Variants in SLCO1C1 observed in about 807,000 individuals in gnomAD.
The protein encoded by SLCO1C1 is OAT-RP-5.
A neutral mutation model predicts 76.4 loss-of-function variants in SLCO1C1; 70 were observed. The ratio of observed to expected loss-of-function variants is 0.92; its 90% CI spans 0.76 to 1.12. The LOEUF is 1.12. Ranked by LOEUF, SLCO1C1 falls within the 50% of genes most tolerant of loss-of-function variation. The pLI, the probability that SLCO1C1 is intolerant of heterozygous loss-of-function variation, is 0.00. For synonymous variants in SLCO1C1, 306 were observed against 286.1 expected (o/e 1.07, Z -0.70); for missense variants, 912 against 823.8 (o/e 1.11, Z -1.31).
At chr12:20,745,349 T>G (rs1273555645) in intron 13 of SLCO1C1, among the ~76,000 whole-genome samples, 1 of 152,164 alleles carries the variant, frequency 6.6e-6, no homozygotes, top group Non-Finnish European at 1.5e-5. Context: ...TTTAAATGCC[T>G]TAAAAAATAA....
At chr12:20,750,851 G>A (rs751321330) in intron 14 of SLCO1C1, 59 bp downstream of exon 14, 9 of 1,613,876 alleles carry the variant, frequency 5.6e-6, no homozygotes, top group Non-Finnish European at 7.6e-6. Flanking sequence ...TTTACACAAT[G>A]CCACTGACAC....
chr12:20,750,054 C>A (rs1222857233), intron 13 of SLCO1C1, among the ~76,000 whole-genome samples: 3 of 152,108 alleles, frequency 2.0e-5, no homozygotes, highest in East Asian at 1.9e-4. Context: ...CAAAGTGAGG[C>A]CACAAAAGTA....
intron 9 of SLCO1C1, among the ~76,000 whole-genome samples, chr12:20,726,015 T>C (rs1358399512): frequency 6.6e-6 from 1 of 152,090 alleles, no homozygotes; most frequent in African/African-American, 2.4e-5. Flanking sequence ...TGAGATCATA[T>C]TGGTTTCACA....
At chr12:20,747,746 C>T (rs1554148) in intron 13 of SLCO1C1, among the ~76,000 whole-genome samples, 65,956 of 151,642 alleles carry the variant, frequency 0.43, 17,025 homozygotes, top group South Asian at 0.63. Context: ...ATTTTCTGCT[C>T]TTCTTGTTCT....
chr12:20,742,804 G>A (rs1363827496), intron 12 of SLCO1C1, among the ~76,000 whole-genome samples: 3 of 151,704 alleles, frequency 2.0e-5, no homozygotes, highest in Non-Finnish European at 4.4e-5. Flanking sequence ...CAAGGTGCTG[G>A]GATTACAGGC....
At chr12:20,717,033 C>T in intron 6 of SLCO1C1, 99 bp from the exon 7 acceptor site, 2 of 1,015,460 alleles carry the variant, frequency 2.0e-6, no homozygotes, top group African/African-American at 1.7e-5. Context: ...ACATTTTGAG[C>T]TACTGACTGG....
intron 1 of SLCO1C1, chr12:20,697,525 G>C (rs950703226): frequency 9.9e-5 from 15 of 152,004 alleles, no homozygotes; most frequent in Admixed American, 6.6e-4. Flanking sequence ...TGACTCAGTA[G>C]ATATAGGAAG....
intron 9 of SLCO1C1, among the ~76,000 whole-genome samples, chr12:20,730,915 G>A (rs1341159002): frequency 6.6e-6 from 1 of 152,104 alleles, no homozygotes; most frequent in East Asian, 1.9e-4. Context: ...CCGGCACTAG[G>A]GGCCCAAGAG....
intron 9 of SLCO1C1, among the ~76,000 whole-genome samples, chr12:20,724,433 ATATATATATATATATATATGTG>A (rs1469632999): frequency 0.016 from 2,172 of 132,746 alleles, 32 homozygotes; most frequent in Admixed American, 0.039. Flanking sequence ...ATATATATAT[ATATATATATATATATATATGTG>A]TGTGTGTGTG....
rs1473707614 is a variant in SLCO1C1, at chr12:20,740,815, ATATG to A, written c.1733+448_1733+451del. Among the ~76,000 whole-genome samples the A allele has an allele frequency of 4.2e-3, 555 of 133,448 alleles. 46 individuals carry two copies. Among genetic ancestry groups the A allele is most frequent in the Non-Finnish European group, 6.3e-3 (389 of 61,964 alleles). 87.5% of individuals were successfully genotyped at this position (133,448 alleles called of 152,430 possible). The stretch of plus-strand genomic sequence containing the variant: ...TATATATATATATATATATATATAT[ATATG>A]GCTTTATCTGTATATTTTTGCCATG... On this transcript the variant is annotated intron_variant, in intron 12 of 14. Coordinates refer to ENST00000266509, the MANE Select transcript of SLCO1C1 (RefSeq NM_017435.5).
At chr12:20,717,797 G>A (rs1947458709) in intron 7 of SLCO1C1, among the ~76,000 whole-genome samples, 1 of 151,234 alleles carries the variant, frequency 6.6e-6, no homozygotes, top group African/African-American at 2.4e-5. Context: ...TGGCAAAGGG[G>A]ACACTGATTT....
Position 20,717,450 on chromosome 12 carries a change from GATCT to G in SLCO1C1, c.775+225_775+228del, listed in dbSNP as rs377087737. On this transcript the variant is annotated intron_variant, in intron 7 of 14. Coordinates refer to ENST00000266509, the MANE Select transcript of SLCO1C1 (RefSeq NM_017435.5). ...TGGATGACCAATGGTTTGTTATTAA[GATCT>G]ATCTTTTTTCACTTTTGATTTGTCA... Among the ~76,000 whole-genome samples the G allele has an allele frequency of 7.2e-4, 109 of 151,796 alleles. No individual in the cohort carries two copies. In the South Asian group the frequency reaches 0.02, roughly 27 times the overall value.
At chr12:20,736,007 TG>T (rs764887049) in intron 10 of SLCO1C1, among the ~76,000 whole-genome samples, 1 of 151,926 alleles carries the variant, frequency 6.6e-6, no homozygotes, top group Non-Finnish European at 1.5e-5. Flanking sequence ...AGGAAAGATA[TG>T]AGGAATAAGC....
intron 3 of SLCO1C1, 87 bp downstream of exon 3, chr12:20,701,546 C>T: frequency 2.0e-6 from 2 of 979,694 alleles, no homozygotes; most frequent in South Asian, 3.3e-5. Flanking sequence ...CTATTGTCTG[C>T]TGGGATCAGA....
At chr12:20,745,418 T>C (rs1327726016) in intron 13 of SLCO1C1, among the ~76,000 whole-genome samples, 1 of 152,150 alleles carries the variant, frequency 6.6e-6, no homozygotes, top group Non-Finnish European at 1.5e-5. Flanking sequence ...AGTACTAATA[T>C]CAATATTTTT....
chr12:20,749,516 TA>T (rs1246774410), intron 13 of SLCO1C1, among the ~76,000 whole-genome samples: 3 of 152,158 alleles, frequency 2.0e-5, no homozygotes, highest in African/African-American at 7.2e-5. Context: ...GGCTACTAAC[TA>T]AAAAACAAAA....
intron 9 of SLCO1C1, among the ~76,000 whole-genome samples, chr12:20,732,389 T>G (rs1274168862): frequency 1.3e-5 from 2 of 152,158 alleles, no homozygotes; most frequent in Non-Finnish European, 2.9e-5. Context: ...ATCAAATGCT[T>G]AGTTCAGTGG....
At chr12:20,708,135 T>C (rs1056250637) in intron 4 of SLCO1C1, among the ~76,000 whole-genome samples, 2 of 152,176 alleles carry the variant, frequency 1.3e-5, no homozygotes, top group African/African-American at 4.8e-5. Context: ...ATCCAAAATA[T>C]GATTTTCGTT....
At chr12:20,737,549 C>T (rs893698608) in intron 11 of SLCO1C1, among the ~76,000 whole-genome samples, 1 of 152,046 alleles carries the variant, frequency 6.6e-6, no homozygotes, top group Non-Finnish European at 1.5e-5. Flanking sequence ...AGTGTTAGCC[C>T]TGAATTAGAA....
Sources: gnomAD v4.1 joint callset for allele counts (sites outside exome capture counted in the v4.1 genomes callset) on GRCh38, gnomAD v4.1.1 for gene constraint, MANE v1.5 for transcripts, NCBI Gene and HGNC (gene_info 2026-07-23, HGNC 2026-07-21) for gene names.